DYNC1I1: variants seen among roughly 807,000 people sequenced by gnomAD.
The protein encoded by DYNC1I1 is dynein cytoplasmic 1 intermediate chain 1.
Under a neutral mutation model 86.6 loss-of-function variants are expected in DYNC1I1, and 43 were observed. The ratio of observed to expected loss-of-function variants is 0.50; its 90% CI spans 0.39 to 0.64. The LOEUF (loss-of-function observed/expected upper bound fraction) is 0.64, where lower values mean the gene tolerates loss of function less well. Among genes scored for constraint, DYNC1I1 ranks in the 30% least tolerant of loss-of-function variants. DYNC1I1 has a pLI of 0.00. For synonymous variants in DYNC1I1, 262 were observed against 283.7 expected, an observed-to-expected ratio of 0.92 and a Z score of 0.77; for missense variants, 604 against 788.8, an observed-to-expected ratio of 0.77 and a Z score of 2.81.
rs1402230059 is a variant in DYNC1I1 at position 95,987,731 on chromosome 7, AT to A, written c.843+579del. Reference sequence around the variant, plus strand: ...ATCTCCCGCCCAATCTCCCTGCTGAATTTCACTTTGTACACCAGACAGAGCC... The same window carrying A: ...ATCTCCCGCCCAATCTCCCTGCTGAATTCACTTTGTACACCAGACAGAGCC... On this transcript the variant is annotated intron_variant, in intron 9 of 16. Coordinates refer to ENST00000447467, the MANE Select transcript of DYNC1I1 (RefSeq NM_001135556.2). Among the ~76,000 whole-genome samples, 3 of 152,262 alleles carry A rather than the reference AT, an allele frequency of 2.0e-5. No homozygotes were observed. The East Asian group carries it at 5.8e-4, about 29-fold the overall frequency.
At chr7:95,931,851 C>G (rs1473980645) in intron 6 of DYNC1I1, among the ~76,000 whole-genome samples, 1 of 152,292 alleles carries the variant, frequency 6.6e-6, no homozygotes, top group South Asian at 2.1e-4. Flanking sequence ...AATTAATATA[C>G]AGCTAAATGT....
At chr7:96,062,648 A>G (rs1012486000) in intron 14 of DYNC1I1, among the ~76,000 whole-genome samples, 1 of 152,192 alleles carries the variant, frequency 6.6e-6, no homozygotes, top group Non-Finnish European at 1.5e-5. Context: ...GCAGAAATGT[A>G]TTCAAAAATT....
At chr7:96,032,924 C>T (rs918371166) in intron 12 of DYNC1I1, 144 bp downstream of exon 12, 35 of 632,920 alleles carry the variant, frequency 5.5e-5, no homozygotes, top group African/African-American at 1.1e-4. Context: ...GGCCTGCTTT[C>T]AGCAATCTTC....
intron 2 of DYNC1I1, among the ~76,000 whole-genome samples, chr7:95,808,364 A>C (rs1179841156): frequency 6.6e-6 from 1 of 152,158 alleles, no homozygotes; most frequent in African/African-American, 2.4e-5. Flanking sequence ...AGGACCACCC[A>C]AGTTGATTAT....
chr7:96,035,505 T>C (rs1562979954), intron 12 of DYNC1I1, 114 bp from the exon 13 acceptor site: 14 of 1,394,732 alleles, frequency 1.0e-5, no homozygotes, highest in Non-Finnish European at 1.3e-5. Flanking sequence ...CCGGGGTCTT[T>C]TGTAACGCTG....
rs144984897 is a variant in DYNC1I1 at position 95,800,961 on chromosome 7, A to G, written c.-9-3760A>G. Among the ~76,000 whole-genome samples the G allele has an allele frequency of 4.8e-3, 736 of 152,348 alleles. 5 individuals carry two copies. Among genetic ancestry groups the G allele is most frequent in the African/African-American group, 0.017 (692 of 41,586 alleles). ...ACTAGCAAGCCCCCCAGGAAATCCT[A>G]CGGAGTTCACTGCTGACACTGCATT... On this transcript the variant is annotated intron_variant, in intron 1 of 16. Coordinates refer to ENST00000447467, the MANE Select transcript of DYNC1I1 (RefSeq NM_001135556.2).
intron 6 of DYNC1I1, among the ~76,000 whole-genome samples, chr7:95,932,559 G>T (rs1456127662): frequency 6.6e-6 from 1 of 152,124 alleles, no homozygotes; most frequent in African/African-American, 2.4e-5. Context: ...GCTTGACCCC[G>T]CCTGAGAAAA....
chr7:95,848,450 C>A (rs1029863080), intron 5 of DYNC1I1, among the ~76,000 whole-genome samples: 6 of 152,036 alleles, frequency 3.9e-5, no homozygotes, highest in Admixed American at 1.3e-4. Flanking sequence ...ATGACATGAA[C>A]TTTTTAAGAT....
intron 10 of DYNC1I1, among the ~76,000 whole-genome samples, chr7:96,015,701 C>A (rs1794384557): frequency 6.6e-6 from 1 of 152,070 alleles, no homozygotes; most frequent in African/African-American, 2.4e-5. Flanking sequence ...AATGAACCCA[C>A]AAGGACACAT....
Position 95,844,180 on chromosome 7 carries a change from C to A in DYNC1I1, c.374+16064C>A, listed in dbSNP as rs535402622. 5.9e-5 allele frequency among the ~76,000 whole-genome samples: 9 copies of A among 152,208 alleles called. No individual in the cohort carries two copies. The South Asian group carries it at 1.9e-3, about 32-fold the overall frequency. On this transcript the variant is annotated intron_variant, in intron 5 of 16. Coordinates refer to ENST00000447467, the MANE Select transcript of DYNC1I1 (RefSeq NM_001135556.2). The stretch of plus-strand genomic sequence containing the variant: ...GAGGGTATTTTGTGGCCCTTCACTC[C>A]AAATTATTAAACCTAGTACCTTATA...
chr7:95,900,416 A>G (rs906873856), intron 6 of DYNC1I1, among the ~76,000 whole-genome samples: 5 of 152,100 alleles, frequency 3.3e-5, no homozygotes, highest in Non-Finnish European at 7.4e-5. Context: ...AATCACCACC[A>G]TCATGGCCTG....
At chr7:95,787,492 G>A (rs1373807124) in intron 1 of DYNC1I1, among the ~76,000 whole-genome samples, 2 of 152,150 alleles carry the variant, frequency 1.3e-5, no homozygotes, top group Non-Finnish European at 2.9e-5. Flanking sequence ...GGAGGGTGGG[G>A]AAACAGATCT....
At chr7:95,862,012 T>C (rs1441784821) in intron 5 of DYNC1I1, among the ~76,000 whole-genome samples, 1 of 152,164 alleles carries the variant, frequency 6.6e-6, no homozygotes, top group Non-Finnish European at 1.5e-5. Flanking sequence ...AAGAGTGAAG[T>C]TGGACCCCTA....
intron 14 of DYNC1I1, among the ~76,000 whole-genome samples, chr7:96,070,981 G>C (rs1428786259): frequency 6.6e-6 from 1 of 152,154 alleles, no homozygotes; most frequent in Non-Finnish European, 1.5e-5. Context: ...CAATTCTAGA[G>C]ATCAAGTCTT....
At chr7:96,004,099 A>G (rs1427274439) in intron 10 of DYNC1I1, among the ~76,000 whole-genome samples, 2 of 152,200 alleles carry the variant, frequency 1.3e-5, no homozygotes, top group Non-Finnish European at 2.9e-5. Flanking sequence ...AACATTTACT[A>G]TTGTAGAGAA....
chr7:96,038,084 A>T (rs1788922601), intron 13 of DYNC1I1, among the ~76,000 whole-genome samples: 1 of 152,176 alleles, frequency 6.6e-6, no homozygotes, highest in East Asian at 1.9e-4. Flanking sequence ...CATTAGAACA[A>T]ATTTAAATGA....
chr7:95,836,246 G>T (rs1365633103), intron 5 of DYNC1I1, among the ~76,000 whole-genome samples: 8 of 152,038 alleles, frequency 5.3e-5, no homozygotes, highest in Non-Finnish European at 1.0e-4. Context: ...TAGTTTGGCT[G>T]GATATGAAAT....
intron 6 of DYNC1I1, among the ~76,000 whole-genome samples, chr7:95,881,524 T>C (rs1194550299): frequency 6.6e-6 from 1 of 152,222 alleles, no homozygotes; most frequent in Non-Finnish European, 1.5e-5. Context: ...ACCTTTCCTT[T>C]GCCTAAAGGA....
At chr7:95,871,170 G>A (rs1054339961) in intron 6 of DYNC1I1, among the ~76,000 whole-genome samples, 1 of 152,214 alleles carries the variant, frequency 6.6e-6, no homozygotes, top group Non-Finnish European at 1.5e-5. Flanking sequence ...TAGGCATTCT[G>A]AAAATCTTGC....
Sources: gnomAD v4.1 joint callset for allele counts (sites outside exome capture counted in the v4.1 genomes callset) on GRCh38, gnomAD v4.1.1 for gene constraint, MANE v1.5 for transcripts, NCBI Gene and HGNC (gene_info 2026-07-23, HGNC 2026-07-21) for gene names.